Variants in FLNC observed in about 807,000 individuals in gnomAD.
The protein encoded by FLNC is filamin-C.
Under a neutral mutation model 254.3 loss-of-function variants are expected in FLNC, and 91 were observed. The observed-to-expected ratio is 0.36, with a 90% CI of 0.30 to 0.43. The LOEUF (loss-of-function observed/expected upper bound fraction) is 0.43. FLNC is among the 20% of genes least tolerant of loss of function. The probability of loss-of-function intolerance (pLI) is 1.00; values close to 1 mark genes in which losing one functional copy is unlikely to be tolerated. For missense variants in FLNC, 2,853 were observed against 3,802.6 expected, an observed-to-expected ratio of 0.75 and a Z score of 6.57; for synonymous variants, 1,430 against 1,577.2, an observed-to-expected ratio of 0.91 and a Z score of 2.21.
Position 128,847,683 on chromosome 7 carries a change from C to T in FLNC, c.4289-14C>T. The T allele has an allele frequency of 6.2e-7, 1 of 1,613,852 alleles. No individual in the cohort carries two copies. Among genetic ancestry groups the T allele is most frequent in the Non-Finnish European group, 8.5e-7 (1 of 1,179,896 alleles). Reference sequence around the variant, plus strand: ...AGGGCTGGTGGGCAGGGTCTAATGTCCTTCTCCTCACAGGGAGCCCGTTCC... The same window carrying T: ...AGGGCTGGTGGGCAGGGTCTAATGTTCTTCTCCTCACAGGGAGCCCGTTCC... On this transcript the variant is annotated splice_polypyrimidine_tract_variant and intron_variant, in intron 24 of 47. Transcript: ENST00000325888.
At chr7:128,850,638 G>A (rs1236805781) in intron 32 of FLNC, among the ~76,000 whole-genome samples, 155 bp downstream of exon 32, 1 of 152,216 alleles carries the variant, frequency 6.6e-6, no homozygotes, top group Non-Finnish European at 1.5e-5. Flanking sequence ...GAACTCAGGT[G>A]CAAGCCATCT....
chr7:128,851,104 C>G, intron 33 of FLNC, 128 bp from the exon 34 acceptor site: 4 of 1,549,520 alleles, frequency 2.6e-6, no homozygotes, highest in Non-Finnish European at 3.5e-6. Flanking sequence ...AAGCAGACCT[C>G]CACCAGCTGG....
rs368103032 is a variant in FLNC, at chr7:128,837,170, C to T, written c.612C>T (p.Pro204=). 88 of 1,600,766 alleles carry T rather than the reference C, an allele frequency of 5.5e-5. No individual in the cohort carries two copies. The highest frequency in any genetic ancestry group is 6.8e-5 in the Non-Finnish European group (80 of 1,174,360). Residue 204 remains proline (P), a synonymous_variant, in exon 3 of 48, where the codon CCC becomes CCT. Transcript: ENST00000325888. ...CCATCACCTCTCCAGGTCTCTGCCC[C>T]GACTGGGAGGCCTGGGACCCCAACC... ...LVDNCAPGLC[P]DWEAWDPNQP...
chr7:128,846,657 CCT>C, intron 23 of FLNC, 86 bp from the exon 24 acceptor site: 1 of 1,438,920 alleles, frequency 6.9e-7, no homozygotes, highest in Non-Finnish European at 9.5e-7. Context: ...AGCGGCCTGC[CCT>C]CTTTCCTCCC....
Position 128,830,602 on chromosome 7 carries a change from G to A in FLNC, c.-36G>A, listed in dbSNP as rs376490644. 2 of 1,596,914 alleles carry A rather than the reference G, an allele frequency of 1.3e-6. No individual in the cohort carries two copies. The highest frequency in any genetic ancestry group is 2.7e-5 in the African/African-American group (2 of 74,540). ...ACAGCCCCCGATAGCCCAAACCGCG[G>A]CCCTAGCCCCGGCCGCACCCCCAGC... On this transcript the variant is annotated 5_prime_UTR_variant, in exon 1 of 48. Transcript: ENST00000325888.
Position 128,845,438 on chromosome 7 carries a change from C to T in FLNC, c.3790+183C>T, listed in dbSNP as rs193035643. 3.2e-3 allele frequency among the ~76,000 whole-genome samples: 492 copies of T among 152,032 alleles called. 2 individuals carry two copies. Among genetic ancestry groups the T allele is most frequent in the Middle Eastern group, 0.017 (5 of 294 alleles). On this transcript the variant is annotated intron_variant, in intron 21 of 47. Transcript: ENST00000325888. The stretch of plus-strand genomic sequence containing the variant: ...CCAGAGAAGGAGTGGAGGGGAAGAC[C>T]GGGGGTGGAGATTGGCCTCTGCTCT...
At chr7:128,832,590 C>A (rs374228949) in intron 1 of FLNC, among the ~76,000 whole-genome samples, 1 of 152,370 alleles carries the variant, frequency 6.6e-6, no homozygotes, top group East Asian at 1.9e-4. Context: ...CTCCCCTCCC[C>A]CGTGGCGGTG....
rs1358590777 is a variant in FLNC, at chr7:128,854,012, A to C, written c.6523A>C (p.Thr2175Pro). Residue 2175 changes from threonine (T) to proline (P), a missense_variant, in exon 40 of 48, where the codon ACA (threonine) becomes CCA (proline). Coordinates refer to ENST00000325888, the MANE Select transcript of FLNC (RefSeq NM_001458.5). ...FQMVSAQERL[T>P]RTFTRSSHTY... ...GATGGTGTCTGCCCAGGAGCGCCTG[A>C]CACGCACCTTCACACGCAGCAGCCA... 6.2e-7 allele frequency: 1 copy of C among 1,613,132 alleles called. No homozygotes were observed. The highest frequency in any genetic ancestry group is 1.3e-5 in the African/African-American group (1 of 74,932).
rs532654321 is a variant in FLNC at position 128,848,037 on chromosome 7, G to A, written c.4549G>A (p.Val1517Ile). ...PATDGPYTVA[V>I]KYADQEVPRS... is the part of the protein sequence containing the mutation. Reference sequence around the variant, plus strand: ...CACTGACGGGCCCTACACGGTAGCCGTCAAGTATGCTGACCAGGAGGTGCC... The same window carrying A: ...CACTGACGGGCCCTACACGGTAGCCATCAAGTATGCTGACCAGGAGGTGCC... The change falls in exon 26 of 48, where the codon GTC becomes ATC. Residue 1517 changes from valine to isoleucine, a missense_variant. Transcript: ENST00000325888. 107 of 1,606,562 alleles carry A rather than the reference G, an allele frequency of 6.7e-5. No homozygotes were observed. Among genetic ancestry groups the A allele is most frequent in the Non-Finnish European group, 8.2e-5 (96 of 1,176,298 alleles).
rs530239379 is a variant in FLNC, at chr7:128,842,429, G to A, written c.2265+55G>A. The A allele has an allele frequency of 8.1e-6, 13 of 1,610,226 alleles. No individual in the cohort carries two copies. In the Admixed American group the frequency reaches 1.2e-4, roughly 14 times the overall value. ...CCACCAGGGGTCCCTGAGGGAGGGC[G>A]GAACCCTCGCTGGAGTCCCTGTTGT... On this transcript the variant is annotated intron_variant, in intron 14 of 47. Coordinates refer to ENST00000325888, the MANE Select transcript of FLNC (RefSeq NM_001458.5). The surrounding 1 kb of genome is among the most constrained non-coding windows in gnomAD (Gnocchi z 5.4).
At chr7:128,855,471 G>A (rs774070528) in intron 43 of FLNC, among the ~76,000 whole-genome samples, 157 bp downstream of exon 43, 16 of 152,208 alleles carry the variant, frequency 1.1e-4, no homozygotes, top group South Asian at 2.1e-4. Context: ...CCTTGGGGAC[G>A]GTGGGCTCCC....
rs1345953797 is a variant in FLNC, at chr7:128,841,364, G to A, written c.2007+1G>A. The A allele has an allele frequency of 6.2e-7, 1 of 1,613,968 alleles. No homozygotes were observed. The highest frequency in any genetic ancestry group is 8.5e-7 in the Non-Finnish European group (1 of 1,179,990). On this transcript the variant is annotated splice_donor_variant, in intron 12 of 47. Coordinates refer to ENST00000325888, the MANE Select transcript of FLNC (RefSeq NM_001458.5). LOFTEE classifies it high-confidence loss of function. This position sits in a 1 kb window ranked among gnomAD's most constrained non-coding sequence, Gnocchi z 4.3. ...CCCACCTGACTGCTTCCCAGATAAGGTGTGGTCCCAGCTCACACACACCTG... is the reference window on the plus strand; with the variant it reads ...CCCACCTGACTGCTTCCCAGATAAGATGTGGTCCCAGCTCACACACACCTG...
intron 28 of FLNC, 55 bp from the exon 29 acceptor site, chr7:128,849,126 A>T: frequency 9.9e-7 from 1 of 1,012,932 alleles, no homozygotes; most frequent in Non-Finnish European, 1.5e-6. Context: ...ACCCCCGCCC[A>T]ATGCCCCAGC....
Position 128,842,168 on chromosome 7 carries a change from C to G in FLNC, c.2122-63C>G. 2 of 1,564,156 alleles carry G rather than the reference C, an allele frequency of 1.3e-6. No individual in the cohort carries two copies. Among genetic ancestry groups the G allele is most frequent in the Non-Finnish European group, 1.7e-6 (2 of 1,144,496 alleles). ...GGAAAGGAGGCGCTGGGTTCACCTGCGGCCAGCAGAGGGCGCTCTGCAGAG... is the reference window on the plus strand; with the variant it reads ...GGAAAGGAGGCGCTGGGTTCACCTGGGGCCAGCAGAGGGCGCTCTGCAGAG... On this transcript the variant is annotated intron_variant, in intron 13 of 47. Transcript: ENST00000325888. This position sits in a 1 kb window ranked among gnomAD's most constrained non-coding sequence, Gnocchi z 5.4.
Position 128,847,736 on chromosome 7 carries a change from C to T in FLNC, c.4328C>T (p.Pro1443Leu). ...GTGCCAGTGAAGGATGTGGTGGACC[C>T]TGGGAAGGTGAAGTGCTCAGGGCCA... ...FRVPVKDVVD[P>L]GKVKCSGPGL... Residue 1443 changes from proline (P) to leucine (L), a missense_variant, in exon 25 of 48, where the codon CCT becomes CTT. Coordinates refer to ENST00000325888, the MANE Select transcript of FLNC (RefSeq NM_001458.5). The T allele has an allele frequency of 6.2e-7, 1 of 1,614,142 alleles. No individual in the cohort carries two copies.
rs755425307 is a variant in FLNC, at chr7:128,842,950, A to C, written c.2546A>C (p.Asn849Thr). 2 of 1,613,766 alleles carry C rather than the reference A, an allele frequency of 1.2e-6. No individual in the cohort carries two copies. The highest frequency in any genetic ancestry group is 2.2e-5 in the South Asian group (2 of 91,086). ...GRYTIMVLFANQEIPASPFHI... is the reference protein window; with the variant it reads ...GRYTIMVLFATQEIPASPFHI... Reference sequence around the variant, plus strand: ...TACACCATCATGGTGCTGTTTGCCAACCAGGTACCTAAGCTCCTGGGTACT... The same window carrying C: ...TACACCATCATGGTGCTGTTTGCCACCCAGGTACCTAAGCTCCTGGGTACT... The change falls in exon 16 of 48, where the codon AAC becomes ACC. Residue 849 changes from asparagine (N) to threonine (T), a missense_variant. Around this residue, in one of 10 missense-constraint regions of FLNC, gnomAD observed 1,573 missense variants for 1,883.5 expected, o/e 0.84. Transcript: ENST00000325888. This position sits in a 1 kb window ranked among gnomAD's most constrained non-coding sequence, Gnocchi z 5.4.
At position 128,830,900 on chromosome 7, in the gene FLNC, C is replaced by T; in HGVS notation, c.263C>T (p.Pro88Leu). 1 of 1,613,186 alleles carries T rather than the reference C, an allele frequency of 6.2e-7. No individual in the cohort carries two copies. The highest frequency in any genetic ancestry group is 1.1e-5 in the South Asian group (1 of 91,092). ...AAGCGCATGTACCGCAAGTTCCATC[C>T]GCGCCCCAACTTCCGCCAAATGAAG... ...SQKRMYRKFHPRPNFRQMKLE... is the reference protein window; with the variant it reads ...SQKRMYRKFHLRPNFRQMKLE... The change falls in exon 1 of 48, where the codon CCG (proline) becomes CTG (leucine). Residue 88 changes from proline to leucine, a missense_variant. Pro to Leu is a moderately conservative substitution (Grantham distance 98). This residue lies in a region of FLNC where 59 missense variants were observed against 59.8 expected (regional missense o/e 0.99). Transcript: ENST00000325888.
chr7:128,831,548 G>A (rs961171397), intron 1 of FLNC, among the ~76,000 whole-genome samples: 1 of 152,222 alleles, frequency 6.6e-6, no homozygotes, highest in African/African-American at 2.4e-5. Context: ...TTCAGGCCCG[G>A]GGGCCAGGAC....
intron 32 of FLNC, 107 bp downstream of exon 32, chr7:128,850,590 G>A: frequency 1.7e-6 from 2 of 1,199,610 alleles, no homozygotes; most frequent in Non-Finnish European, 2.5e-6. Context: ...GAGGAAGTGA[G>A]CTCTACCCAG....
Sources: allele counts gnomAD v4.1 joint callset (sites outside exome capture counted in the v4.1 genomes callset), GRCh38; gene constraint gnomAD v4.1.1; regional missense constraint gnomAD v4.1.1; non-coding constraint Gnocchi (gnomAD v3.1); transcripts MANE v1.5; gene names NCBI Gene and HGNC (gene_info 2026-07-23, HGNC 2026-07-21).